ENOX1: variants seen among roughly 807,000 people sequenced by gnomAD.
ENOX1 encodes ecto-NOX disulfide-thiol exchanger 1, also known as candidate growth-related and time keeping constitutive hydroquinone (NADH) oxidase.
In ENOX1, 42 loss-of-function variants were observed where a neutral mutation model predicts 82.5. The ratio of observed to expected loss-of-function variants is 0.51; its 90% CI spans 0.40 to 0.66. ENOX1 has a LOEUF of 0.66. ENOX1 is among the 30% of genes least tolerant of loss of function. The pLI is 0.00. For missense variants in ENOX1, 608 were observed against 811.6 expected, an observed-to-expected ratio of 0.75 and a Z score of 3.05; for synonymous variants, 271 against 282.2, an observed-to-expected ratio of 0.96 and a Z score of 0.40.
intron 3 of ENOX1, among the ~76,000 whole-genome samples, chr13:43,445,681 TG>T (rs2153627059): frequency 6.6e-6 from 1 of 152,304 alleles, no homozygotes; most frequent in East Asian, 1.9e-4. Context: ...CTTTTATGTG[TG>T]ATGTACAACA....
chr13:43,490,983 G>A (rs2076597699), intron 2 of ENOX1, among the ~76,000 whole-genome samples: 1 of 152,082 alleles, frequency 6.6e-6, no homozygotes, highest in Non-Finnish European at 1.5e-5. Context: ...TTCATTCTTA[G>A]ATTGCTATAA....
chr13:43,754,095 T>TAAATACACATATATATAC (rs1950493374), intron 1 of ENOX1, among the ~76,000 whole-genome samples: 1 of 141,910 alleles, frequency 7.0e-6, no homozygotes, highest in African/African-American at 2.6e-5. Flanking sequence ...TATACGTATA[T>TAAATACACATATATATAC]ATGTATACGT....
chr13:43,275,224 T>G (rs7988842), intron 12 of ENOX1, among the ~76,000 whole-genome samples: 25,302 of 152,142 alleles, frequency 0.17, 2,735 homozygotes, highest in East Asian at 0.59. Context: ...GAGCGGTGTG[T>G]CAAATTTGAC....
chr13:43,276,207 C>T (rs190159249), intron 12 of ENOX1, among the ~76,000 whole-genome samples: 2 of 152,298 alleles, frequency 1.3e-5, no homozygotes, highest in African/African-American at 4.8e-5. Context: ...AGGGAATTCT[C>T]ACCAAAGGCG....
intron 1 of ENOX1, among the ~76,000 whole-genome samples, chr13:43,747,498 G>T (rs2153829887): frequency 6.6e-6 from 1 of 152,272 alleles, no homozygotes; most frequent in East Asian, 1.9e-4. Flanking sequence ...TGGACCTGTT[G>T]CCTTCTCTCT....
chr13:43,781,966 A>G (rs1952294976), intron 1 of ENOX1, among the ~76,000 whole-genome samples: 1 of 152,244 alleles, frequency 6.6e-6, no homozygotes, highest in African/African-American at 2.4e-5. Flanking sequence ...GCTTATTTTT[A>G]GCAATCATCC....
At chr13:43,438,897 T>C (rs1320445279) in intron 3 of ENOX1, among the ~76,000 whole-genome samples, 2 of 152,308 alleles carry the variant, frequency 1.3e-5, no homozygotes, top group East Asian at 3.9e-4. Context: ...AGTCGATCCA[T>C]AGCTCTTTGA....
At chr13:43,331,308 A>G (rs961203836) in intron 9 of ENOX1, among the ~76,000 whole-genome samples, 2 of 152,188 alleles carry the variant, frequency 1.3e-5, no homozygotes, top group Admixed American at 6.5e-5. Context: ...TCCTTGTTCC[A>G]GCTAAATAGC....
At chr13:43,648,792 C>A (rs2153774597) in intron 2 of ENOX1, among the ~76,000 whole-genome samples, 1 of 152,316 alleles carries the variant, frequency 6.6e-6, no homozygotes, top group East Asian at 1.9e-4. Context: ...GCAGCATTAT[C>A]CCAGAGTCCC....
chr13:43,481,366 G>A (rs2153655819), intron 3 of ENOX1, among the ~76,000 whole-genome samples: 1 of 152,128 alleles, frequency 6.6e-6, no homozygotes, highest in East Asian at 1.9e-4. Context: ...ATATATATAT[G>A]GGATCAAATT....
intron 1 of ENOX1, among the ~76,000 whole-genome samples, chr13:43,709,076 T>C (rs1227526916): frequency 1.3e-5 from 2 of 152,150 alleles, no homozygotes. Flanking sequence ...CAAAATATAA[T>C]TTTTAATTCT....
intron 8 of ENOX1, among the ~76,000 whole-genome samples, chr13:43,350,588 G>A (rs1353029360): frequency 6.6e-6 from 1 of 152,186 alleles, no homozygotes; most frequent in South Asian, 2.1e-4. Context: ...TGGGATTACG[G>A]GCATGCGCCA....
chr13:43,520,416 C>G (rs933323915), intron 2 of ENOX1, among the ~76,000 whole-genome samples: 1 of 152,120 alleles, frequency 6.6e-6, no homozygotes, highest in African/African-American at 2.4e-5. Flanking sequence ...AAGTAAAAGG[C>G]ATGTTTGTTT....
chr13:43,290,592 G>A (rs1196335456), intron 12 of ENOX1, among the ~76,000 whole-genome samples: 1 of 152,136 alleles, frequency 6.6e-6, no homozygotes, highest in African/African-American at 2.4e-5. Context: ...GACACTGTGG[G>A]CTGCTATAGG....
chr13:43,744,088 T>C (rs527395158), intron 1 of ENOX1, among the ~76,000 whole-genome samples: 1 of 152,272 alleles, frequency 6.6e-6, no homozygotes, highest in Admixed American at 6.5e-5. Flanking sequence ...CAACACATGA[T>C]CTTTGGGAGG....
At chr13:43,481,323 A>C (rs577715934) in intron 3 of ENOX1, among the ~76,000 whole-genome samples, 1 of 152,228 alleles carries the variant, frequency 6.6e-6, no homozygotes, top group South Asian at 2.1e-4. Context: ...ATATGGACCA[A>C]TGGAAGAGGA....
intron 2 of ENOX1, among the ~76,000 whole-genome samples, chr13:43,513,430 T>C (rs1340493989): frequency 1.3e-5 from 2 of 152,190 alleles, no homozygotes; most frequent in African/African-American, 4.8e-5. Flanking sequence ...ATTACTGTTT[T>C]TCTAAGATCC....
At chr13:43,359,020 C>T (rs2050325351) in intron 7 of ENOX1, among the ~76,000 whole-genome samples, 1 of 152,220 alleles carries the variant, frequency 6.6e-6, no homozygotes, top group South Asian at 2.1e-4. Flanking sequence ...TAGAGGTGGA[C>T]TGCAGAAATT....
At chr13:43,709,619 G>A (rs2087553430) in intron 1 of ENOX1, among the ~76,000 whole-genome samples, 2 of 151,982 alleles carry the variant, frequency 1.3e-5, no homozygotes, top group East Asian at 3.9e-4. Context: ...AGGAGAGAAG[G>A]AGGGAGAAGG....
Sources: allele counts gnomAD v4.1 joint callset (sites outside exome capture counted in the v4.1 genomes callset), GRCh38; gene constraint gnomAD v4.1.1; transcripts MANE v1.5; gene names NCBI Gene and HGNC (gene_info 2026-07-23, HGNC 2026-07-21).